HCN1: variants seen among roughly 807,000 people sequenced by gnomAD.
HCN1 encodes the protein potassium/sodium hyperpolarization-activated cyclic nucleotide-gated channel 1.
Under a neutral mutation model 78.9 loss-of-function variants are expected in HCN1, and 13 were observed. The ratio of observed to expected loss-of-function variants is 0.16; its 90% CI spans 0.11 to 0.26. The LOEUF is 0.26. Ranked by LOEUF, HCN1 falls within the 10% of genes least tolerant of loss-of-function variation. The pLI, the probability that HCN1 is intolerant of heterozygous loss-of-function variation, is 1.00. For missense variants in HCN1, 810 were observed against 1,154.3 expected (o/e 0.70, Z 4.32); for synonymous variants, 552 against 455.5 (o/e 1.21, Z -2.70).
In HCN1 at chr5:45,260,845, C is replaced by T. The variant is rs550647994; in HGVS notation, c.*1076G>A. On this transcript the variant is annotated 3_prime_UTR_variant, in exon 8 of 8. Coordinates refer to ENST00000303230, the MANE Select transcript of HCN1 (RefSeq NM_021072.4). Reference sequence around the variant, plus strand: ...ATGAATTGTTATGCTTTTCTAGAAACGAGAAATACTGTAAGCCTTTCTCTA... The same window carrying T: ...ATGAATTGTTATGCTTTTCTAGAAATGAGAAATACTGTAAGCCTTTCTCTA... 29 of 152,558 alleles carry T rather than the reference C, an allele frequency of 1.9e-4. No individual in the cohort carries two copies. Among genetic ancestry groups the T allele is most frequent in the Admixed American group, 1.3e-3 (20 of 15,268 alleles). The allele number at this position is 152,558 out of a possible 1,614,324, so 9.5% of individuals were successfully genotyped here.
chr5:45,663,725 C>T (rs1436101089), intron 1 of HCN1, among the ~76,000 whole-genome samples: 1 of 151,970 alleles, frequency 6.6e-6, no homozygotes, highest in Non-Finnish European at 1.5e-5. Context: ...CATCACTGGC[C>T]ATCAGAGAAA....
chr5:45,572,493 T>C (rs1015557002), intron 2 of HCN1, among the ~76,000 whole-genome samples: 11 of 152,208 alleles, frequency 7.2e-5, no homozygotes, highest in Non-Finnish European at 1.0e-4. Context: ...TATCTATAAA[T>C]GATTTTTTAA....
chr5:45,355,697 G>A (rs1397539478), intron 4 of HCN1, among the ~76,000 whole-genome samples: 10 of 152,012 alleles, frequency 6.6e-5, no homozygotes, highest in East Asian at 1.9e-4. Context: ...CAAATGAGGC[G>A]AAAAGGCTAA....
intron 3 of HCN1, among the ~76,000 whole-genome samples, chr5:45,449,842 T>C (rs1740880148): frequency 6.6e-6 from 1 of 152,172 alleles, no homozygotes; most frequent in African/African-American, 2.4e-5. Context: ...AGTTGGTTTT[T>C]TTTCTTTTTT....
intron 3 of HCN1, among the ~76,000 whole-genome samples, chr5:45,444,633 T>G (rs1031900944): frequency 8.5e-5 from 13 of 152,100 alleles, no homozygotes; most frequent in Admixed American, 1.3e-4. Flanking sequence ...TGAAATCCAT[T>G]CTCTTAGGCT....
intron 2 of HCN1, among the ~76,000 whole-genome samples, chr5:45,471,769 T>A (rs1340593901): frequency 6.6e-6 from 1 of 151,992 alleles, no homozygotes; most frequent in Non-Finnish European, 1.5e-5. Flanking sequence ...ACACTTGTAT[T>A]CCAAGATAAA....
chr5:45,308,532 A>G (rs1181999505), intron 5 of HCN1, among the ~76,000 whole-genome samples: 4 of 152,210 alleles, frequency 2.6e-5, no homozygotes, highest in South Asian at 4.1e-4. Flanking sequence ...ATATCATAGT[A>G]CAGTCTGGGG....
chr5:45,693,873 G>T (rs1309881818), intron 1 of HCN1, among the ~76,000 whole-genome samples: 2 of 152,062 alleles, frequency 1.3e-5, no homozygotes, highest in Non-Finnish European at 2.9e-5. Flanking sequence ...CAGCATTTTT[G>T]CATGTTAATA....
At chr5:45,434,738 T>C (rs1329059989) in intron 3 of HCN1, among the ~76,000 whole-genome samples, 2 of 152,176 alleles carry the variant, frequency 1.3e-5, no homozygotes, top group African/African-American at 4.8e-5. Flanking sequence ...ATGCCAGATA[T>C]GCTAAGCATT....
chr5:45,673,925 T>C (rs1284156572), intron 1 of HCN1, among the ~76,000 whole-genome samples: 2 of 151,586 alleles, frequency 1.3e-5, no homozygotes, highest in Non-Finnish European at 3.0e-5. Flanking sequence ...TGAAATTATG[T>C]GCCCCTAAAT....
At chr5:45,396,292 C>T (rs1739685442) in intron 4 of HCN1, among the ~76,000 whole-genome samples, 200 bp downstream of exon 4, 1 of 151,962 alleles carries the variant, frequency 6.6e-6, no homozygotes, top group Non-Finnish European at 1.5e-5. Context: ...TATTATTCAA[C>T]TGAGAAATGA....
chr5:45,320,929 C>G (rs895315360), intron 5 of HCN1, among the ~76,000 whole-genome samples: 1 of 151,810 alleles, frequency 6.6e-6, no homozygotes, highest in Non-Finnish European at 1.5e-5. Context: ...ATTAGGCTGA[C>G]TGGCTTCTTA....
intron 2 of HCN1, among the ~76,000 whole-genome samples, chr5:45,512,442 T>C (rs780411537): frequency 4.6e-4 from 70 of 152,210 alleles, no homozygotes; most frequent in East Asian, 2.1e-3. Flanking sequence ...GCTGGCCCCA[T>C]AGGGCTACTT....
chr5:45,496,227 G>A (rs1742025663), intron 2 of HCN1, among the ~76,000 whole-genome samples: 1 of 151,980 alleles, frequency 6.6e-6, no homozygotes, highest in Non-Finnish European at 1.5e-5. Flanking sequence ...AATCCATCTG[G>A]TCCTGGACTC....
At chr5:45,602,041 C>A (rs1186591648) in intron 2 of HCN1, among the ~76,000 whole-genome samples, 3 of 152,082 alleles carry the variant, frequency 2.0e-5, no homozygotes, top group African/African-American at 7.2e-5. Flanking sequence ...GGGCTTCCCG[C>A]TTCACTGGGC....
intron 5 of HCN1, among the ~76,000 whole-genome samples, chr5:45,341,522 T>C (rs1746580503): frequency 6.6e-6 from 1 of 152,182 alleles, no homozygotes; most frequent in South Asian, 2.1e-4. Flanking sequence ...AACATGGCTT[T>C]GCAAGTATGA....
At chr5:45,546,534 G>C (rs1330673876) in intron 2 of HCN1, among the ~76,000 whole-genome samples, 1 of 151,804 alleles carries the variant, frequency 6.6e-6, no homozygotes, top group Non-Finnish European at 1.5e-5. Flanking sequence ...AAGAAATTAA[G>C]ACTGATGATT....
intron 2 of HCN1, among the ~76,000 whole-genome samples, chr5:45,591,322 T>C (rs1200867837): frequency 6.6e-6 from 1 of 152,124 alleles, no homozygotes; most frequent in Admixed American, 6.5e-5. Context: ...GGTAAGAATG[T>C]TTAGTTTTTT....
intron 2 of HCN1, among the ~76,000 whole-genome samples, chr5:45,580,947 T>A (rs1178397773): frequency 6.6e-6 from 1 of 152,202 alleles, no homozygotes; most frequent in African/African-American, 2.4e-5. Flanking sequence ...TTGTTGGACA[T>A]TTGAGTTGGT....
Sources: allele counts gnomAD v4.1 joint callset (sites outside exome capture counted in the v4.1 genomes callset), GRCh38; gene constraint gnomAD v4.1.1; transcripts MANE v1.5; gene names NCBI Gene and HGNC (gene_info 2026-07-23, HGNC 2026-07-21).